AKR1C1: variants seen among roughly 807,000 people sequenced by gnomAD.
AKR1C1 encodes the protein 20 alpha-hydroxysteroid dehydrogenase.
In AKR1C1, 32 loss-of-function variants were observed where a neutral mutation model predicts 40.6. The observed-to-expected ratio is 0.79, with a 90% CI of 0.60 to 1.06. The LOEUF (loss-of-function observed/expected upper bound fraction) is 1.06. AKR1C1 is among the 50% of genes least tolerant of loss of function. The probability of loss-of-function intolerance (pLI) is 0.00; values close to 1 mark genes in which losing one functional copy is unlikely to be tolerated. For missense variants in AKR1C1, 320 were observed against 363.5 expected (o/e 0.88, Z 0.97); for synonymous variants, 105 against 134.2 (o/e 0.78, Z 1.50).
intron 5 of AKR1C1, among the ~76,000 whole-genome samples, chr10:4,970,597 T>A (rs1324739492): frequency 1.3e-5 from 2 of 152,100 alleles, no homozygotes; most frequent in Non-Finnish European, 2.9e-5. Context: ...TAAGAAAATG[T>A]GGCACATATA....
intron 1 of AKR1C1, among the ~76,000 whole-genome samples, chr10:4,964,203 A>G (rs1836292191): frequency 6.6e-6 from 1 of 151,574 alleles, no homozygotes; most frequent in African/African-American, 2.4e-5. Flanking sequence ...TTTCTTTTCT[A>G]GACTTAGCTA....
rs1296061563 is a variant in AKR1C1 at position 4,981,424 on chromosome 10, A to C, written c.*3682A>C. The C allele has an allele frequency of 6.6e-6, 1 of 152,236 alleles. No individual in the cohort carries two copies. Among genetic ancestry groups the C allele is most frequent in the South Asian group, 2.1e-4 (1 of 4,834 alleles). The allele number at this position is 152,236 out of a possible 1,614,324, so 9.4% of individuals were successfully genotyped here. A position where few individuals can be genotyped will look rare whatever the true frequency, so the allele number is the denominator to read the frequency against. On this transcript the variant is annotated 3_prime_UTR_variant, in exon 9 of 9. Transcript: ENST00000380872. ...GGGGCAGCAAAAGGTAACAGATGTC[A>C]ACTATGAGATCTCATCAAGAACTAA...
In AKR1C1 at chr10:4,968,428, T is replaced by C. The variant is rs541921243; in HGVS notation, c.447+42T>C. On this transcript the variant is annotated intron_variant, in intron 4 of 8. Coordinates refer to ENST00000380872, the MANE Select transcript of AKR1C1 (RefSeq NM_001353.6). ...GAGAGAACGGATAAGAAAGATGAGG[T>C]AGGATACATCTGTTTCCTATCTTCT... 8.2e-5 allele frequency: 108 copies of C among 1,324,814 alleles called. 1 individual carries two copies. The South Asian group carries it at 1.3e-3, about 16-fold the overall frequency. 82.1% of individuals were successfully genotyped at this position (1,324,814 alleles called of 1,614,324 possible).
rs541084079 is a variant in AKR1C1, at chr10:4,983,123, C to T, written c.*5381C>T. ...ACTGCACGGAGGAGATGGAGGCACC[C>T]AGACAGATGCCCCATGGACATCCTG... On this transcript the variant is annotated 3_prime_UTR_variant, in exon 9 of 9. Coordinates refer to ENST00000380872, the MANE Select transcript of AKR1C1 (RefSeq NM_001353.6). The T allele has an allele frequency of 1.2e-3, 338 of 288,784 alleles. 9 individuals carry two copies. The highest frequency in any genetic ancestry group is 9.2e-3 in the South Asian group (294 of 32,018). The allele number at this position is 288,784 out of a possible 1,614,324, so 17.9% of individuals were successfully genotyped here. A position where few individuals can be genotyped will look rare whatever the true frequency, so the allele number is the denominator to read the frequency against.
In AKR1C1 at chr10:4,977,779, T is replaced by C. The variant is rs1462753718; in HGVS notation, c.*37T>C. 6 of 1,516,538 alleles carry C rather than the reference T, an allele frequency of 4.0e-6. No homozygotes were observed. The highest frequency in any genetic ancestry group is 5.5e-6 in the Non-Finnish European group (6 of 1,094,578). The allele number at this position is 1,516,538 out of a possible 1,614,324, so 93.9% of individuals were successfully genotyped here. A position where few individuals can be genotyped will look rare whatever the true frequency, so the allele number is the denominator to read the frequency against. On this transcript the variant is annotated 3_prime_UTR_variant, in exon 9 of 9. Transcript: ENST00000380872. The stretch of plus-strand genomic sequence containing the variant: ...TTGCATGAGGTCTGCCAGAAGGCCC[T>C]GCGTGTGGATGGTGACACAGAGGAT...
rs570076075 is a variant in AKR1C1, at chr10:4,964,819, C to T, written c.85-1095C>T. Among the ~76,000 whole-genome samples the T allele has an allele frequency of 1.2e-4, 18 of 152,264 alleles. 1 individual carries two copies. The South Asian group carries it at 3.5e-3, about 30-fold the overall frequency. On this transcript the variant is annotated intron_variant, in intron 1 of 8. Transcript: ENST00000380872. ...CTACTATTTAGTTCTGTCATGCCGA[C>T]AGAATGGCTAATGGCTGTGTAGAAA... is the stretch of plus-strand genomic sequence containing the variant.
At chr10:4,974,855 T>C (rs1836501408) in intron 7 of AKR1C1, among the ~76,000 whole-genome samples, 1 of 152,104 alleles carries the variant, frequency 6.6e-6, no homozygotes, top group African/African-American at 2.4e-5. Flanking sequence ...CTTCATTTAT[T>C]TAATAATATC....
At chr10:4,976,978 T>C (rs1193569896) in intron 8 of AKR1C1, among the ~76,000 whole-genome samples, 1 of 152,234 alleles carries the variant, frequency 6.6e-6, no homozygotes, top group African/African-American at 2.4e-5. Flanking sequence ...CAATCACTAG[T>C]GTTATTTTGT....
At chr10:4,972,857 T>G (rs1836460748) in intron 7 of AKR1C1, 108 bp downstream of exon 7, 1 of 1,458,774 alleles carries the variant, frequency 6.9e-7, no homozygotes. Flanking sequence ...TTCCCTGTAT[T>G]TCCTATGCAT....
intron 1 of AKR1C1, chr10:4,963,830 T>C (rs1836286012): frequency 1.3e-6 from 1 of 755,898 alleles, no homozygotes; most frequent in African/African-American, 1.8e-5. Context: ...TGTTTCTTTG[T>C]ATAGTCGAAC....
At position 4,979,054 on chromosome 10, in the gene AKR1C1, C is replaced by G. The variant is rs1189242081; in HGVS notation, c.*1312C>G. On this transcript the variant is annotated 3_prime_UTR_variant, in exon 9 of 9. Transcript: ENST00000380872. ...TCTAACACATTTACTCTCCACTATT[C>G]GTACTCTGGTAGCCATGTTAACCCC... The G allele has an allele frequency of 6.6e-6, 1 of 152,190 alleles. No homozygotes were observed. 9.4% of individuals were successfully genotyped at this position (152,190 alleles called of 1,614,324 possible). A position where few individuals can be genotyped will look rare whatever the true frequency, so the allele number is the denominator to read the frequency against.
rs1836616608 is a variant in AKR1C1 at position 4,981,603 on chromosome 10, C to T, written c.*3861C>T. The T allele has an allele frequency of 6.6e-6, 1 of 152,214 alleles. No individual in the cohort carries two copies. Among genetic ancestry groups the T allele is most frequent in the Non-Finnish European group, 1.5e-5 (1 of 68,038 alleles). 9.4% of individuals were successfully genotyped at this position (152,214 alleles called of 1,614,324 possible). ...TATATGAAAAAATTTCACATACACT[C>T]TGAAGAAGTCTCAGGCACAATCCTA... is the stretch of plus-strand genomic sequence containing the variant. On this transcript the variant is annotated 3_prime_UTR_variant, in exon 9 of 9. Coordinates refer to ENST00000380872, the MANE Select transcript of AKR1C1 (RefSeq NM_001353.6).
intron 5 of AKR1C1, among the ~76,000 whole-genome samples, chr10:4,971,873 T>A (rs1836434893): frequency 6.6e-6 from 1 of 151,668 alleles, no homozygotes; most frequent in African/African-American, 2.4e-5. Context: ...TTGACCAAAT[T>A]CTTGATTTCT....
At chr10:4,969,781 C>T in intron 5 of AKR1C1, 1 of 1,585,758 alleles carries the variant, frequency 6.3e-7, no homozygotes, top group South Asian at 1.1e-5. Flanking sequence ...ATTAAAGTTA[C>T]TACACTTTTC....
chr10:4,982,894 G>C lies in AKR1C1; in HGVS notation c.*5152G>C, dbSNP rs1588292658. ...CTGCGTACCACACCCTGACCAGTCAGAGGTCTTGAGTCGGTCCGCATGACA... is the reference window on the plus strand; with the variant it reads ...CTGCGTACCACACCCTGACCAGTCACAGGTCTTGAGTCGGTCCGCATGACA... On this transcript the variant is annotated 3_prime_UTR_variant, in exon 9 of 9. Transcript: ENST00000380872. 1 of 439,806 alleles carries C rather than the reference G, an allele frequency of 2.3e-6. No individual in the cohort carries two copies. The highest frequency in any genetic ancestry group is 2.0e-5 in the African/African-American group (1 of 49,790). 27.2% of individuals were successfully genotyped at this position (439,806 alleles called of 1,614,324 possible). A position where few individuals can be genotyped will look rare whatever the true frequency, so the allele number is the denominator to read the frequency against.
In AKR1C1 at chr10:4,982,069, G is replaced by C. The variant is rs1836626216; in HGVS notation, c.*4327G>C. On this transcript the variant is annotated 3_prime_UTR_variant, in exon 9 of 9. Coordinates refer to ENST00000380872, the MANE Select transcript of AKR1C1 (RefSeq NM_001353.6). Reference sequence around the variant, plus strand: ...GCAAGCTATTCAACATTACGTACAGGCATTTGAGGTCGGGGCATGGAAAAA... The same window carrying C: ...GCAAGCTATTCAACATTACGTACAGCCATTTGAGGTCGGGGCATGGAAAAA... 1.3e-5 allele frequency: 2 copies of C among 152,292 alleles called. No homozygotes were observed. The highest frequency in any genetic ancestry group is 4.8e-5 in the African/African-American group (2 of 41,440). 9.4% of individuals were successfully genotyped at this position (152,292 alleles called of 1,614,324 possible). A position where few individuals can be genotyped will look rare whatever the true frequency, so the allele number is the denominator to read the frequency against.
At chr10:4,968,070 T>G (rs1836358124) in intron 3 of AKR1C1, 2 of 709,590 alleles carry the variant, frequency 2.8e-6, no homozygotes, top group Non-Finnish European at 4.4e-6. Context: ...TGACACTCCA[T>G]TAGGAACCAG....
At chr10:4,970,935 A>G (rs538536962) in intron 5 of AKR1C1, among the ~76,000 whole-genome samples, 70 of 151,990 alleles carry the variant, frequency 4.6e-4, no homozygotes, top group African/African-American at 1.6e-3. Context: ...CAATGTGCAC[A>G]TGTACCCTCG....
In AKR1C1 at chr10:4,982,850, A is replaced by G. The variant is rs116078635; in HGVS notation, c.*5108A>G. ...TTCCCAGGAAGGAGAAAATGCCTGC[A>G]TGAGCTCAGCTGTTACCACTGCGTA... On this transcript the variant is annotated 3_prime_UTR_variant, in exon 9 of 9. Coordinates refer to ENST00000380872, the MANE Select transcript of AKR1C1 (RefSeq NM_001353.6). 0.03 allele frequency: 12,029 copies of G among 395,402 alleles called. 302 individuals are homozygous for G. Among genetic ancestry groups the G allele is most frequent in the Non-Finnish European group, 0.041 (7,996 of 197,360 alleles). The allele number at this position is 395,402 out of a possible 1,614,324, so 24.5% of individuals were successfully genotyped here.
Sources: gnomAD v4.1 joint callset for allele counts (sites outside exome capture counted in the v4.1 genomes callset) on GRCh38, gnomAD v4.1.1 for gene constraint, MANE v1.5 for transcripts, NCBI Gene and HGNC (gene_info 2026-07-23, HGNC 2026-07-21) for gene names.